The following SPTB variants were observed in gnomAD, a reference collection of about 807,000 sequenced individuals.
The protein encoded by SPTB is spectrin beta, erythrocytic, also known as spectrin beta chain, erythrocytic.
SPTB carries 45 observed loss-of-function variants against 256.2 expected under a neutral mutation model. The ratio of observed to expected loss-of-function variants is 0.18; its 90% CI spans 0.14 to 0.23. The LOEUF is 0.23. Among genes scored for constraint, SPTB ranks in the 10% least tolerant of loss-of-function variants. SPTB has a pLI of 1.00. For missense variants in SPTB, 2,715 were observed against 3,040.4 expected (o/e 0.89, Z 2.52); for synonymous variants, 1,231 against 1,243.1 (o/e 0.99, Z 0.21).
At position 64,817,876 on chromosome 14, in the gene SPTB, C is replaced by T. The variant is rs1280267966; in HGVS notation, c.148+5071G>A. On this transcript the variant is annotated intron_variant, in intron 2 of 35. Transcript: ENST00000644917. The stretch of plus-strand genomic sequence containing the variant: ...CGAGGAATGTCTGCCAGCCACAGAA[C>T]TTAACCTCGGGACCTGCATGCAGTG... Among the ~76,000 whole-genome samples the T allele has an allele frequency of 2.6e-5, 4 of 152,244 alleles. No individual in the cohort carries two copies. The East Asian group carries it at 5.8e-4, about 22-fold the overall frequency.
intron 1 of SPTB, among the ~76,000 whole-genome samples, chr14:64,851,987 C>A (rs1038366395): frequency 1.3e-5 from 2 of 152,096 alleles, no homozygotes; most frequent in Non-Finnish European, 2.9e-5. Context: ...ACCTATGTAA[C>A]AAACCTACAC....
intron 1 of SPTB, among the ~76,000 whole-genome samples, chr14:64,861,847 C>T (rs908519932): frequency 3.9e-5 from 6 of 152,322 alleles, no homozygotes; most frequent in African/African-American, 1.4e-4. Flanking sequence ...TCCTTTCCGA[C>T]GTTAGACACG....
At chr14:64,855,505 TTTATTA>T (rs887399536) in intron 1 of SPTB, among the ~76,000 whole-genome samples, 10 of 152,228 alleles carry the variant, frequency 6.6e-5, no homozygotes, top group African/African-American at 2.4e-4. Flanking sequence ...ACTTAATTTT[TTTATTA>T]TTATTATTAT....
chr14:64,795,283 T>C lies in SPTB; in HGVS notation c.1644+54A>G, dbSNP rs979435027. ...AAGCCTATGCTAACTGCAGGGCCAC[T>C]GAGACCCAAGGTGAGCACTGCAGGG... On this transcript the variant is annotated intron_variant, in intron 12 of 35. Coordinates refer to ENST00000644917, the MANE Select transcript of SPTB (RefSeq NM_001355436.2). The surrounding 1 kb of genome is among the most constrained non-coding windows in gnomAD (Gnocchi z 6.5). 4.4e-6 allele frequency: 7 copies of C among 1,595,032 alleles called. No individual in the cohort carries two copies. The African/African-American group carries it at 9.4e-5, about 21-fold the overall frequency.
chr14:64,834,946 C>T (rs1395749266), intron 1 of SPTB, among the ~76,000 whole-genome samples: 1 of 152,168 alleles, frequency 6.6e-6, no homozygotes, highest in Non-Finnish European at 1.5e-5. Context: ...ATTTGCCTCA[C>T]AAACAAAAAG....
In SPTB at chr14:64,784,328, G is replaced by T. The variant is rs1038287944; in HGVS notation, c.3921C>A (p.Asn1307Lys). 4 of 1,614,146 alleles carry T rather than the reference G, an allele frequency of 2.5e-6. No homozygotes were observed. The highest frequency in any genetic ancestry group is 2.2e-5 in the East Asian group (1 of 44,902). ...GGTGCTTTAGCCATTTATTGTGAAGGTTTCGTGCTTCATCATAGGAGACAT... is the reference window on the plus strand; with the variant it reads ...GGTGCTTTAGCCATTTATTGTGAAGTTTTCGTGCTTCATCATAGGAGACAT... The part of the protein sequence containing the change: ...SQDVSYDEAR[N>K]LHNKWLKHQA... The change falls in exon 19 of 36, where the codon AAC becomes AAA. Residue 1307 changes from asparagine to lysine, a missense_variant. Around this residue, in one of 4 missense-constraint regions of SPTB, gnomAD observed 2,239 missense variants for 2,384.4 expected, o/e 0.94. Coordinates refer to ENST00000644917, the MANE Select transcript of SPTB (RefSeq NM_001355436.2).
intron 1 of SPTB, among the ~76,000 whole-genome samples, chr14:64,864,160 G>A (rs1281097623): frequency 6.6e-6 from 1 of 152,274 alleles, no homozygotes; most frequent in East Asian, 1.9e-4. Flanking sequence ...CAGCTGATAA[G>A]AATGAAATAG....
chr14:64,803,559 G>A (rs778692988), intron 4 of SPTB, 48 bp downstream of exon 4: 6 of 1,610,290 alleles, frequency 3.7e-6, no homozygotes, highest in Middle Eastern at 1.9e-4. Context: ...TAAGGCCCTG[G>A]GCAGCCTTGA....
At chr14:64,791,583 AAAAAAAAAG>A (rs939114463) in intron 15 of SPTB, 127 bp downstream of exon 15, 2 of 856,102 alleles carry the variant, frequency 2.3e-6, no homozygotes, top group African/African-American at 1.7e-5. Flanking sequence ...AAAAAAAAAA[AAAAAAAAAG>A]ACAGGAATGT....
chr14:64,795,970 G>A lies in SPTB; in HGVS notation c.1342-331C>T, dbSNP rs1282939213. On this transcript the variant is annotated intron_variant, in intron 11 of 35. Coordinates refer to ENST00000644917, the MANE Select transcript of SPTB (RefSeq NM_001355436.2). This position sits in a 1 kb window ranked among gnomAD's most constrained non-coding sequence, Gnocchi z 6.5. ...AGTGGACCTGTTGGATTTGGGGCAG[G>A]AAGGGGCTGCTTCTCACTCGGAAAC... is the stretch of plus-strand genomic sequence containing the variant. 1.3e-5 allele frequency among the ~76,000 whole-genome samples: 2 copies of A among 152,172 alleles called. No individual in the cohort carries two copies. The highest frequency in any genetic ancestry group is 2.9e-5 in the Non-Finnish European group (2 of 68,026).
intron 14 of SPTB, 125 bp from the exon 15 acceptor site, chr14:64,791,981 C>A: frequency 7.6e-7 from 1 of 1,317,326 alleles, no homozygotes; most frequent in Non-Finnish European, 1.1e-6. Context: ...AAACCATTTG[C>A]CCAGGTGAGG....
rs2082871680 is a variant in SPTB, at chr14:64,800,865, A to G, written c.767T>C (p.Val256Ala). The change falls in exon 8 of 36, where the codon GTC becomes GCC. Residue 256 changes from valine (V) to alanine (A), a missense_variant. By Grantham distance (64) the Val-to-Ala change is moderately conservative. Coordinates refer to ENST00000644917, the MANE Select transcript of SPTB (RefSeq NM_001355436.2). The stretch of plus-strand genomic sequence containing the variant: ...TTTCTCATCAGGGTTTTCCGTAAAG[A>G]CATCTGTTAGGGAAAAGGGTGTACT... ...GIIPLLDPED[V>A]FTENPDEKSI... 1 of 1,613,130 alleles carries G rather than the reference A, an allele frequency of 6.2e-7. No individual in the cohort carries two copies. The highest frequency in any genetic ancestry group is 8.5e-7 in the Non-Finnish European group (1 of 1,179,438).
At chr14:64,771,950 G>A (rs1217473500) in intron 26 of SPTB, among the ~76,000 whole-genome samples, 1 of 152,200 alleles carries the variant, frequency 6.6e-6, no homozygotes, top group Admixed American at 6.5e-5. Flanking sequence ...GGGCCCCCTT[G>A]CATTTGCCCT....
chr14:64,781,375 G>A (rs2082469114), intron 20 of SPTB, among the ~76,000 whole-genome samples: 1 of 151,980 alleles, frequency 6.6e-6, no homozygotes, highest in South Asian at 2.1e-4. Context: ...TTTATAAGAG[G>A]AAAACAAACA....
chr14:64,829,680 TCTA>T (rs1275298269), intron 1 of SPTB, among the ~76,000 whole-genome samples: 1 of 152,242 alleles, frequency 6.6e-6, no homozygotes, highest in African/African-American at 2.4e-5. Context: ...TTGATTCTAT[TCTA>T]CTTTTATACA....
chr14:64,800,247 G>C (rs1177941725), intron 8 of SPTB, among the ~76,000 whole-genome samples: 3 of 152,248 alleles, frequency 2.0e-5, no homozygotes, highest in Non-Finnish European at 4.4e-5. Context: ...TAGGGGGCCA[G>C]GGTTTTGTTT....
chr14:64,872,275 T>C (rs901106749), intron 1 of SPTB, among the ~76,000 whole-genome samples: 1 of 152,160 alleles, frequency 6.6e-6, no homozygotes, highest in East Asian at 1.9e-4. Flanking sequence ...TCATCCTCTA[T>C]ATCCAAATCT....
intron 1 of SPTB, among the ~76,000 whole-genome samples, chr14:64,835,080 C>G (rs1236868192): frequency 6.6e-6 from 1 of 152,038 alleles, no homozygotes; most frequent in African/African-American, 2.4e-5. Context: ...TTGCTTGGGC[C>G]CACAAGGACT....
At chr14:64,767,905 T>C (rs1477389148) in intron 29 of SPTB, 46 bp from the exon 30 acceptor site, 1 of 1,604,644 alleles carries the variant, frequency 6.2e-7, no homozygotes, top group Admixed American at 1.7e-5. Flanking sequence ...GCCCAGGGCC[T>C]GTTAGCACCC....
Sources: gnomAD v4.1 joint callset for allele counts (sites outside exome capture counted in the v4.1 genomes callset) on GRCh38, gnomAD v4.1.1 for gene constraint, gnomAD v4.1.1 regional missense constraint, Gnocchi (gnomAD v3.1) non-coding constraint, MANE v1.5 for transcripts, NCBI Gene and HGNC (gene_info 2026-07-23, HGNC 2026-07-21) for gene names.